Variants in CROCC2 observed in about 807,000 individuals in gnomAD.
CROCC2 encodes ciliary rootlet coiled-coil protein 2.
Under a neutral mutation model 177.6 loss-of-function variants are expected in CROCC2, and 163 were observed. The ratio of observed to expected loss-of-function variants is 0.92; its 90% CI spans 0.81 to 1.05. The LOEUF (loss-of-function observed/expected upper bound fraction) is 1.05, where lower values mean the gene tolerates loss of function less well. Among genes scored for constraint, CROCC2 ranks in the 50% least tolerant of loss-of-function variants. The pLI is 0.00. For missense variants in CROCC2, 1,929 were observed against 1,797.8 expected, an observed-to-expected ratio of 1.07 and a Z score of -1.32; for synonymous variants, 904 against 787.3, an observed-to-expected ratio of 1.15 and a Z score of -2.48.
intron 8 of CROCC2, 119 bp from the exon 9 acceptor site, chr2:240,932,583 C>T: frequency 1.4e-6 from 1 of 694,166 alleles, no homozygotes; most frequent in Non-Finnish European, 2.7e-6. Flanking sequence ...CTCGCCTGTC[C>T]TCCCAGTGGC....
At chr2:240,975,878 C>T (rs1033203118) in intron 27 of CROCC2, among the ~76,000 whole-genome samples, 1 of 151,876 alleles carries the variant, frequency 6.6e-6, no homozygotes, top group Non-Finnish European at 1.5e-5. Context: ...TACAGGCGCC[C>T]GCCACCACGC....
At chr2:240,938,183 G>A (rs917531186) in intron 14 of CROCC2, among the ~76,000 whole-genome samples, 3 of 152,192 alleles carry the variant, frequency 2.0e-5, no homozygotes, top group African/African-American at 7.2e-5. Flanking sequence ...CTGTGGGCGG[G>A]GCCCAGAAAT....
At chr2:240,975,873 GCGCCCGCCACCA>G (rs952296135) in intron 27 of CROCC2, among the ~76,000 whole-genome samples, 2 of 151,920 alleles carry the variant, frequency 1.3e-5, no homozygotes, top group African/African-American at 4.8e-5. Context: ...GAGATTACAG[GCGCCCGCCACCA>G]CGCCCGGCTA....
chr2:240,918,638 T>A lies in CROCC2; in HGVS notation c.79-88T>A. On this transcript the variant is annotated intron_variant, in intron 1 of 31. Coordinates refer to ENST00000690015, the MANE Select transcript of CROCC2 (RefSeq NM_001351305.2). This position sits in a 1 kb window ranked among gnomAD's most constrained non-coding sequence, Gnocchi z 6.3. ...ACTCTGCTGCCTTGGGGTGGCCCTG[T>A]GGCGGCTCCCATTCAGTGGGATCGT... 2.0e-6 allele frequency: 1 copy of A among 500,478 alleles called. No individual in the cohort carries two copies. 31.0% of individuals were successfully genotyped at this position (500,478 alleles called of 1,614,324 possible). A position where few individuals can be genotyped will look rare whatever the true frequency, so the allele number is the denominator to read the frequency against.
chr2:240,944,814 C>T (rs529983077), intron 14 of CROCC2, among the ~76,000 whole-genome samples: 65 of 152,186 alleles, frequency 4.3e-4, no homozygotes, highest in African/African-American at 1.5e-3. Context: ...TCATGTGGTC[C>T]TGTCTCCTGA....
rs2059327454 is a variant in CROCC2, at chr2:240,917,414, G to C, written c.79-1312G>C. Among the ~76,000 whole-genome samples the C allele has an allele frequency of 1.3e-5, 2 of 152,170 alleles. No homozygotes were observed. The highest frequency in any genetic ancestry group is 2.9e-5 in the Non-Finnish European group (2 of 68,010). ...GAGGCCTGGCTGGGGTTGGGAGGAGGGTGGGGGAGCAGGGCACAGCCACCA... is the reference window on the plus strand; with the variant it reads ...GAGGCCTGGCTGGGGTTGGGAGGAGCGTGGGGGAGCAGGGCACAGCCACCA... On this transcript the variant is annotated intron_variant, in intron 1 of 31. Transcript: ENST00000690015. This position sits in a 1 kb window ranked among gnomAD's most constrained non-coding sequence, Gnocchi z 4.9.
chr2:240,952,711 G>A (rs1470348745), intron 18 of CROCC2, among the ~76,000 whole-genome samples: 3 of 152,248 alleles, frequency 2.0e-5, no homozygotes, highest in African/African-American at 7.2e-5. Flanking sequence ...GAGGTGTGCA[G>A]TGGAGCTAGG....
intron 15 of CROCC2, 58 bp downstream of exon 15, chr2:240,946,311 T>A: frequency 6.9e-7 from 1 of 1,450,304 alleles, no homozygotes; most frequent in South Asian, 1.4e-5. Flanking sequence ...ACAGAGAGTC[T>A]GCAGTGTGGC....
Position 240,935,516 on chromosome 2 carries a change from G to C in CROCC2, c.2097G>C (p.Arg699=). ...LQQACGRLEQ[R]QEQLEGQAAL... ...AGGCCTGCGGACGCCTGGAGCAGCG[G>C]CAGGAGCAGCTGGAGGGGCAGGCAG... Residue 699 remains arginine, a synonymous_variant, in exon 14 of 32, where the codon CGG becomes CGC. Coordinates refer to ENST00000690015, the MANE Select transcript of CROCC2 (RefSeq NM_001351305.2). The C allele has an allele frequency of 7.4e-7, 1 of 1,351,388 alleles. No homozygotes were observed. The highest frequency in any genetic ancestry group is 3.0e-5 in the East Asian group (1 of 33,538). 83.7% of individuals were successfully genotyped at this position (1,351,388 alleles called of 1,614,324 possible). A position where few individuals can be genotyped will look rare whatever the true frequency, so the allele number is the denominator to read the frequency against.
chr2:240,944,197 T>C (rs556311991), intron 14 of CROCC2, among the ~76,000 whole-genome samples: 1 of 152,376 alleles, frequency 6.6e-6, no homozygotes, highest in South Asian at 2.1e-4. Context: ...GTCTTGTTCA[T>C]TTCACGCCTA....
In CROCC2 at chr2:240,959,369, C is replaced by T. The variant is rs2059615571; in HGVS notation, c.3012C>T (p.Ala1004=). Residue 1004 remains alanine, a synonymous_variant, in exon 20 of 32, where the codon GCC becomes GCT. Transcript: ENST00000690015. ...CCCAGTTTGAGGATGCCATCACAGC[C>T]CATCAGAGGGAGACCACGGCCCTAC... ...LQAQFEDAIT[A]HQRETTALRE... is the part of the protein sequence containing the mutation. 3 of 1,550,454 alleles carry T rather than the reference C, an allele frequency of 1.9e-6. No homozygotes were observed. In the African/African-American group the frequency reaches 4.1e-5, roughly 21 times the overall value.
chr2:240,918,644 C>T lies in CROCC2; in HGVS notation c.79-82C>T, dbSNP rs2059335210. The T allele has an allele frequency of 5.9e-6, 3 of 505,790 alleles. No homozygotes were observed. The East Asian group carries it at 1.0e-4, about 17-fold the overall frequency. The allele number at this position is 505,790 out of a possible 1,614,324, so 31.3% of individuals were successfully genotyped here. A position where few individuals can be genotyped will look rare whatever the true frequency, so the allele number is the denominator to read the frequency against. ...CTGCCTTGGGGTGGCCCTGTGGCGGCTCCCATTCAGTGGGATCGTAGAGGG... is the reference window on the plus strand; with the variant it reads ...CTGCCTTGGGGTGGCCCTGTGGCGGTTCCCATTCAGTGGGATCGTAGAGGG... On this transcript the variant is annotated intron_variant, in intron 1 of 31. Transcript: ENST00000690015. This position sits in a 1 kb window ranked among gnomAD's most constrained non-coding sequence, Gnocchi z 6.3.
In CROCC2 at chr2:240,946,253, G is replaced by A. The variant is rs1330382568; in HGVS notation, c.2363G>A (p.Arg788Lys). The A allele has an allele frequency of 2.6e-6, 4 of 1,524,072 alleles. No individual in the cohort carries two copies. In the Admixed American group the frequency reaches 8.0e-5, roughly 30 times the overall value. The allele number at this position is 1,524,072 out of a possible 1,614,324, so 94.4% of individuals were successfully genotyped here. A position where few individuals can be genotyped will look rare whatever the true frequency, so the allele number is the denominator to read the frequency against. Residue 788 changes from arginine (R) to lysine (K), a missense_variant and splice_region_variant, in exon 15 of 32, where the codon AGG becomes AAG. By Grantham distance (26) the Arg-to-Lys change is conservative. Transcript: ENST00000690015. ...GCAGCTGAAGAGGCAGCTGATCTCA[G>A]GTATGCAAGGGCCTGCCAGTCAGGG... ...RLAAEEAADL[R>K]VERDSLESSL...
intron 29 of CROCC2, among the ~76,000 whole-genome samples, 182 bp from the exon 30 acceptor site, chr2:240,989,472 G>A (rs1480184124): frequency 6.6e-6 from 1 of 152,204 alleles, no homozygotes; most frequent in East Asian, 1.9e-4. Flanking sequence ...CAAACCCAAG[G>A]CCCACGGGCT....
chr2:240,912,175 C>T (rs930743583), intron 1 of CROCC2, among the ~76,000 whole-genome samples: 3 of 152,218 alleles, frequency 2.0e-5, no homozygotes, highest in African/African-American at 7.2e-5. Flanking sequence ...GTTACTCATA[C>T]CACTTTTAAC....
At chr2:240,931,245 G>A in intron 7 of CROCC2, 117 bp downstream of exon 7, 2 of 602,262 alleles carry the variant, frequency 3.3e-6, no homozygotes, top group Non-Finnish European at 6.0e-6. Context: ...GGCAGGTGGG[G>A]CCCTGATGTC....
chr2:240,937,050 T>G (rs971562811), intron 14 of CROCC2, among the ~76,000 whole-genome samples: 4 of 152,246 alleles, frequency 2.6e-5, no homozygotes, highest in Admixed American at 6.5e-5. Context: ...GTTGAACTTT[T>G]ATAGGGAACA....
intron 19 of CROCC2, chr2:240,959,070 C>T (rs1002604995): frequency 2.0e-6 from 1 of 509,940 alleles, no homozygotes; most frequent in Non-Finnish European, 3.5e-6. Flanking sequence ...TGTCCGTGGG[C>T]ACTCACACAT....
At chr2:240,919,733 T>C (rs1197077937) in intron 2 of CROCC2, among the ~76,000 whole-genome samples, 1 of 137,158 alleles carries the variant, frequency 7.3e-6, no homozygotes, top group African/African-American at 2.9e-5. Context: ...GGCCTGGGCC[T>C]GGGTCTGCAT....
Sources: gnomAD v4.1 joint callset for allele counts (sites outside exome capture counted in the v4.1 genomes callset) on GRCh38, gnomAD v4.1.1 for gene constraint, Gnocchi (gnomAD v3.1) non-coding constraint, MANE v1.5 for transcripts, NCBI Gene and HGNC (gene_info 2026-07-23, HGNC 2026-07-21) for gene names.